IL1R1: variants seen among roughly 807,000 people sequenced by gnomAD.
IL1R1 encodes interleukin 1 receptor type 1, also known as interleukin-1 receptor type 1.
IL1R1 carries 22 observed loss-of-function variants against 50.2 expected under a neutral mutation model. That is an observed-to-expected ratio of 0.44 (90% confidence interval 0.31 to 0.63). The LOEUF is 0.63. Among genes scored for constraint, IL1R1 ranks in the 20% least tolerant of loss-of-function variants. IL1R1 has a pLI of 0.07. For missense variants in IL1R1, 509 were observed against 676.2 expected, an observed-to-expected ratio of 0.75 and a Z score of 2.74; for synonymous variants, 251 against 236.7, an observed-to-expected ratio of 1.06 and a Z score of -0.55.
Position 102,179,459 on chromosome 2 carries a change from T to A in IL1R1, c.*2700T>A, listed in dbSNP as rs1578061429. On this transcript the variant is annotated 3_prime_UTR_variant, in exon 12 of 12. Transcript: ENST00000410023. ...TAGTTCCCCGTGAACTTCCTTTGAC[T>A]TATTGTCCCCACTAAAACAAAACAA... The A allele has an allele frequency of 1.3e-5, 2 of 152,590 alleles. No homozygotes were observed. The highest frequency in any genetic ancestry group is 3.8e-4 in the East Asian group (2 of 5,320). The allele number at this position is 152,590 out of a possible 1,614,324, so 9.5% of individuals were successfully genotyped here. A position where few individuals can be genotyped will look rare whatever the true frequency, so the allele number is the denominator to read the frequency against.
chr2:102,091,604 A>G (rs1278025368), intron 1 of IL1R1, among the ~76,000 whole-genome samples: 1 of 152,130 alleles, frequency 6.6e-6, no homozygotes, highest in Non-Finnish European at 1.5e-5. Flanking sequence ...CATCTTGAGT[A>G]TTTACCATTT....
intron 1 of IL1R1, among the ~76,000 whole-genome samples, chr2:102,074,577 G>A (rs1678881830): frequency 6.6e-6 from 1 of 152,162 alleles, no homozygotes; most frequent in African/African-American, 2.4e-5. Context: ...TGCCCTCTAT[G>A]GGTAAAGCAG....
chr2:102,123,642 G>C (rs1428779613), intron 1 of IL1R1, among the ~76,000 whole-genome samples: 1 of 151,982 alleles, frequency 6.6e-6, no homozygotes, highest in Non-Finnish European at 1.5e-5. Context: ...GCTGGTCATG[G>C]TGGCGTGCAC....
chr2:102,149,887 C>T (rs1012967649), intron 1 of IL1R1, among the ~76,000 whole-genome samples: 28 of 152,154 alleles, frequency 1.8e-4, no homozygotes, highest in African/African-American at 6.3e-4. Context: ...GTGAGGACAG[C>T]GCAGCCTATG....
At position 102,080,669 on chromosome 2, in the gene IL1R1, G is replaced by A. The variant is rs552528711; in HGVS notation, c.-84+10136G>A. 5.3e-5 allele frequency among the ~76,000 whole-genome samples: 8 copies of A among 152,304 alleles called. No individual in the cohort carries two copies. In the South Asian group the frequency reaches 1.7e-3, roughly 32 times the overall value. Reference sequence around the variant, plus strand: ...AAAATAGTTTGTGGTTCTTTGAAATGTTCAACATAGAGTTGCCATATGACT... The same window carrying A: ...AAAATAGTTTGTGGTTCTTTGAAATATTCAACATAGAGTTGCCATATGACT... On this transcript the variant is annotated intron_variant, in intron 1 of 11. Transcript: ENST00000409929.
At chr2:102,147,516 G>C (rs777832564) in intron 1 of IL1R1, among the ~76,000 whole-genome samples, 2 of 152,178 alleles carry the variant, frequency 1.3e-5, no homozygotes, top group Non-Finnish European at 2.9e-5. Context: ...GGGAGGCTGG[G>C]AAGCACAAGG....
At chr2:102,100,149 C>G (rs541978097), upstream of IL1R1, among the ~76,000 whole-genome samples, 1 of 152,212 alleles carries the variant, frequency 6.6e-6, no homozygotes, top group Non-Finnish European at 1.5e-5. Flanking sequence ...TTGGCCAATG[C>G]CAATTTGATA....
Position 102,115,569 on chromosome 2 carries a change from C to T in IL1R1, c.-84+10697C>T, listed in dbSNP as rs145594256. Among the ~76,000 whole-genome samples the T allele has an allele frequency of 4.2e-4, 64 of 152,214 alleles. No homozygotes were observed. In the Middle Eastern group the frequency reaches 0.014, roughly 32 times the overall value. On this transcript the variant is annotated intron_variant, in intron 1 of 10. Coordinates refer to the IL1R1 transcript ENST00000409329. ...AATGCAAAGTAGGGGCTGCAAAGTG[C>T]CATCAGAGAGGGGGAGATGAAAAAC... is the stretch of plus-strand genomic sequence containing the variant.
At chr2:102,165,327 A>G (rs781255026) in intron 5 of IL1R1, 23 bp downstream of exon 5, 1 of 1,336,874 alleles carries the variant, frequency 7.5e-7, no homozygotes, top group South Asian at 1.5e-5. Flanking sequence ...TAAATATGAC[A>G]TTTCACTTTT....
chr2:102,153,444 C>G (rs1370523402), intron 1 of IL1R1, among the ~76,000 whole-genome samples: 1 of 152,156 alleles, frequency 6.6e-6, no homozygotes, highest in African/African-American at 2.4e-5. Flanking sequence ...GGAACATACA[C>G]TTGTTAAACA....
At chr2:102,071,448 C>A (rs1678715068) in intron 1 of IL1R1, among the ~76,000 whole-genome samples, 1 of 152,166 alleles carries the variant, frequency 6.6e-6, no homozygotes, top group Non-Finnish European at 1.5e-5. Context: ...TTGAATAAAT[C>A]ACTTGCATGG....
At chr2:102,116,913 A>G (rs908686489) in intron 1 of IL1R1, among the ~76,000 whole-genome samples, 1 of 152,138 alleles carries the variant, frequency 6.6e-6, no homozygotes, top group African/African-American at 2.4e-5. Flanking sequence ...TACTGTTCTC[A>G]TGTTCATTCA....
chr2:102,175,526 T>C lies in IL1R1; in HGVS notation c.1184T>C (p.Val395Ala), dbSNP rs751920330. 3.1e-6 allele frequency: 5 copies of C among 1,613,458 alleles called. No individual in the cohort carries two copies. Among genetic ancestry groups the C allele is most frequent in the Admixed American group, 1.7e-5 (1 of 60,010 alleles). Residue 395 changes from valine to alanine, a missense_variant, in exon 11 of 12, where the codon GTT (valine) becomes GCT (alanine). Physicochemically the swap from Val to Ala is moderately conservative, Grantham distance 64. Coordinates refer to ENST00000410023, the MANE Select transcript of IL1R1 (RefSeq NM_000877.4). ...GCATATATACTGTATCCAAAGACTG[T>C]TGGGGAAGGGTCTACCTCTGACTGT... ...YDAYILYPKT[V>A]GEGSTSDCDI...
chr2:102,083,076 A>G (rs1679284903), intron 1 of IL1R1, among the ~76,000 whole-genome samples: 1 of 152,104 alleles, frequency 6.6e-6, no homozygotes, highest in African/African-American at 2.4e-5. Context: ...CTGGCACGTG[A>G]CTTTGCACCC....
At chr2:102,132,253 C>A in intron 1 of IL1R1, among the ~76,000 whole-genome samples, 1 of 145,820 alleles carries the variant, frequency 6.9e-6, no homozygotes, top group African/African-American at 2.6e-5. Flanking sequence ...GGATAGAGCA[C>A]CAGAAATGCC....
chr2:102,176,849 T>C lies in IL1R1; in HGVS notation c.*90T>C. The C allele has an allele frequency of 8.1e-7, 1 of 1,236,252 alleles. No homozygotes were observed. 76.6% of individuals were successfully genotyped at this position (1,236,252 alleles called of 1,614,324 possible). A position where few individuals can be genotyped will look rare whatever the true frequency, so the allele number is the denominator to read the frequency against. ...GCCTCATGCTGACTTGCAGAGTTCA[T>C]GGAATGTAACTATATCATCCTTTAT... On this transcript the variant is annotated 3_prime_UTR_variant, in exon 12 of 12. Transcript: ENST00000410023.
chr2:102,163,889 G>C (rs929969559), intron 3 of IL1R1, among the ~76,000 whole-genome samples: 2 of 152,074 alleles, frequency 1.3e-5, no homozygotes, highest in Non-Finnish European at 2.9e-5. Context: ...TAATCCTTTC[G>C]GGTCTTGCTT....
chr2:102,084,796 C>T (rs542784718), intron 1 of IL1R1, among the ~76,000 whole-genome samples: 2 of 152,314 alleles, frequency 1.3e-5, no homozygotes, highest in African/African-American at 4.8e-5. Context: ...ATTTGTTCCT[C>T]AGCAGTAGTT....
At chr2:102,164,367 C>T (rs1467351491) in intron 3 of IL1R1, among the ~76,000 whole-genome samples, 2 of 152,096 alleles carry the variant, frequency 1.3e-5, no homozygotes, top group Admixed American at 6.6e-5. Flanking sequence ...TGGGATTTCT[C>T]TCCTTTGTTT....
Sources: allele counts gnomAD v4.1 joint callset (sites outside exome capture counted in the v4.1 genomes callset), GRCh38; gene constraint gnomAD v4.1.1; transcripts MANE v1.5; gene names NCBI Gene and HGNC (gene_info 2026-07-23, HGNC 2026-07-21).